USP28: variants seen among roughly 807,000 people sequenced by gnomAD.
USP28 encodes ubiquitin specific peptidase 28.
USP28 carries 113 observed loss-of-function variants against 145.0 expected under a neutral mutation model. The ratio of observed to expected loss-of-function variants is 0.78; its 90% CI spans 0.67 to 0.91. USP28 has a LOEUF of 0.91. USP28 is among the 40% of genes least tolerant of loss of function. The pLI, the probability that USP28 is intolerant of heterozygous loss-of-function variation, is 0.00. For synonymous variants in USP28, 447 were observed against 450.9 expected (o/e 0.99, Z 0.11); for missense variants, 1,201 against 1,289.6 (o/e 0.93, Z 1.05).
intron 3 of USP28, among the ~76,000 whole-genome samples, chr11:113,849,592 C>A (rs1219424109): frequency 6.6e-6 from 1 of 152,040 alleles, no homozygotes; most frequent in African/African-American, 2.4e-5. Flanking sequence ...ATTTGAAGGG[C>A]GCATTAAAGT....
intron 7 of USP28, 108 bp from the exon 8 acceptor site, chr11:113,832,101 T>TAGTAAAAG: frequency 1.1e-6 from 1 of 940,700 alleles, no homozygotes; most frequent in Non-Finnish European, 1.6e-6. Context: ...TAAAAGCATT[T>TAGTAAAAG]CTTTTTTTCT....
At chr11:113,852,603 T>C in exon 3 of USP28, 1 of 1,614,160 alleles carries the variant, frequency 6.2e-7, no homozygotes, top group South Asian at 1.1e-5. Context: ...GTGAGAAGGC[T>C]GACTGCCTGA....
chr11:113,803,450 A>G (rs1442472160), intron 22 of USP28, among the ~76,000 whole-genome samples, 169 bp from the exon 24 acceptor site: 1 of 152,184 alleles, frequency 6.6e-6, no homozygotes, highest in Non-Finnish European at 1.5e-5. Flanking sequence ...CTAGCCATCC[A>G]AAGCAAATAT....
chr11:113,870,400 G>A (rs115800833), intron 1 of USP28, among the ~76,000 whole-genome samples: 11,386 of 152,152 alleles, frequency 0.075, 496 homozygotes, highest in Non-Finnish European at 0.09. Context: ...GGTGATGCAC[G>A]CCTGTGGTCC....
At chr11:113,845,137 A>AT (rs951547026) in intron 3 of USP28, among the ~76,000 whole-genome samples, 2 of 150,538 alleles carry the variant, frequency 1.3e-5, no homozygotes, top group African/African-American at 4.9e-5. Context: ...AAAAAACAAC[A>AT]AAATAAATAA....
chr11:113,854,173 G>A, intron 2 of USP28, 85 bp downstream of exon 2: 1 of 1,254,974 alleles, frequency 8.0e-7, no homozygotes, highest in Non-Finnish European at 1.1e-6. Context: ...CTTTAATTTG[G>A]GAATAGAAAT....
At chr11:113,825,919 T>C (rs1943232443) in intron 11 of USP28, among the ~76,000 whole-genome samples, 1 of 152,194 alleles carries the variant, frequency 6.6e-6, no homozygotes, top group African/African-American at 2.4e-5. Context: ...GATGGTAGTT[T>C]ATTTGACTGT....
chr11:113,850,579 A>C (rs1242680967), intron 3 of USP28, among the ~76,000 whole-genome samples: 3 of 152,146 alleles, frequency 2.0e-5, no homozygotes, highest in African/African-American at 4.8e-5. Flanking sequence ...ATGTCCATTA[A>C]CACCACCTCG....
At chr11:113,831,824 A>G in intron 8 of USP28, 96 bp downstream of exon 8, 2 of 1,221,262 alleles carry the variant, frequency 1.6e-6, no homozygotes, top group Non-Finnish European at 2.3e-6. Flanking sequence ...GTTAAAAACC[A>G]GCAATTTCTA....
intron 11 of USP28, among the ~76,000 whole-genome samples, chr11:113,826,680 G>A (rs1943383942): frequency 6.6e-6 from 1 of 151,930 alleles, no homozygotes; most frequent in South Asian, 2.1e-4. Flanking sequence ...AGCACTTTGG[G>A]AGGCCAAGGC....
At chr11:113,826,282 CA>C (rs59796496) in intron 11 of USP28, among the ~76,000 whole-genome samples, 15 of 99,948 alleles carry the variant, frequency 1.5e-4, no homozygotes, top group Admixed American at 2.6e-4. Flanking sequence ...GACTCCTTCT[CA>C]AAAAAAAAAA....
chr11:113,858,654 G>C (rs2428007), intron 1 of USP28, among the ~76,000 whole-genome samples: 9,853 of 152,262 alleles, frequency 0.065, 436 homozygotes, highest in Non-Finnish European at 0.09. Flanking sequence ...CTGTCACCCA[G>C]GCTGGAGCGC....
intron 1 of USP28, among the ~76,000 whole-genome samples, chr11:113,858,081 G>A (rs903589344): frequency 6.6e-5 from 10 of 152,108 alleles, no homozygotes; most frequent in Admixed American, 3.3e-4. Flanking sequence ...GGCCAGGCTG[G>A]TCTCAAACTT....
intron 6 of USP28, 130 bp from the exon 7 acceptor site, chr11:113,833,687 C>T: frequency 1.2e-6 from 1 of 839,110 alleles, no homozygotes; most frequent in South Asian, 1.8e-5. Flanking sequence ...AGTCACAGGG[C>T]TATGTGTGTT....
At chr11:113,807,248 T>C (rs777170335) in intron 18 of USP28, among the ~76,000 whole-genome samples, 6 of 152,146 alleles carry the variant, frequency 3.9e-5, no homozygotes, top group Non-Finnish European at 8.8e-5. Flanking sequence ...AATTTTTGTA[T>C]TTTTAGTAGA....
intron 16 of USP28, among the ~76,000 whole-genome samples, chr11:113,810,450 GT>G (rs2135378596): frequency 6.6e-6 from 1 of 152,302 alleles, no homozygotes; most frequent in African/African-American, 2.4e-5. Flanking sequence ...GCAAATGACA[GT>G]TTCCACTTGT....
chr11:113,811,505 T>C (rs1045755403), intron 16 of USP28, among the ~76,000 whole-genome samples: 2 of 152,108 alleles, frequency 1.3e-5, no homozygotes, highest in African/African-American at 2.4e-5. Flanking sequence ...CTGGCCAAGA[T>C]GGTGAAACAC....
chr11:113,854,527 G>A (rs927388216), intron 1 of USP28, among the ~76,000 whole-genome samples, 192 bp from the exon 2 acceptor site: 7 of 152,246 alleles, frequency 4.6e-5, no homozygotes, highest in African/African-American at 1.2e-4. Flanking sequence ...TCAGCCTCCC[G>A]AGTAGTTGGG....
Position 113,841,882 on chromosome 11 carries a change from T to C in USP28, c.269-114A>G, listed in dbSNP as rs1023637015. ...GCTTTCACTACAACAATGGCTCAAC[T>C]GTGTAACAATTTTATTACCCTACTG... On this transcript the variant is annotated intron_variant, in intron 3 of 24. Coordinates refer to ENST00000003302, the Ensembl canonical transcript of USP28. 5 of 592,122 alleles carry C rather than the reference T, an allele frequency of 8.4e-6. 1 individual carries two copies. Among genetic ancestry groups the C allele is most frequent in the African/African-American group, 7.6e-5 (4 of 52,918 alleles). The allele number at this position is 592,122 out of a possible 1,614,324, so 36.7% of individuals were successfully genotyped here. A position where few individuals can be genotyped will look rare whatever the true frequency, so the allele number is the denominator to read the frequency against.
Sources: allele counts gnomAD v4.1 joint callset (sites outside exome capture counted in the v4.1 genomes callset), GRCh38; gene constraint gnomAD v4.1.1; transcripts MANE v1.5; gene names NCBI Gene and HGNC (gene_info 2026-07-23, HGNC 2026-07-21).